Variants in FHL1 observed in about 807,000 individuals in gnomAD.
FHL1 encodes the protein four and a half LIM domains protein 1.
Under a neutral mutation model 20.3 loss-of-function variants are expected in FHL1, and 1 was observed. That is an observed-to-expected ratio of 0.05 (90% confidence interval 0.02 to 0.23). The LOEUF is 0.23. Among genes scored for constraint, FHL1 ranks in the 10% least tolerant of loss-of-function variants. FHL1 has a pLI of 1.00. For missense variants in FHL1, 177 were observed against 234.0 expected, an observed-to-expected ratio of 0.76 and a Z score of 1.59; for synonymous variants, 82 against 88.9, an observed-to-expected ratio of 0.92 and a Z score of 0.44.
At chrX:136,188,486 G>A (rs2073361698) in intron 2 of FHL1, among the ~76,000 whole-genome samples, 1 of 111,279 alleles carries the variant, frequency 9.0e-6, no homozygotes, top group African/African-American at 3.3e-5. Context: ...TATGATAGGA[G>A]GAGATTAACT....
chrX:136,176,733 T>G (rs2073012839), intron 2 of FHL1, among the ~76,000 whole-genome samples: 1 of 111,516 alleles, frequency 9.0e-6, no homozygotes, highest in Admixed American at 9.6e-5. Flanking sequence ...GCACATTTGT[T>G]AAGGTTACTG....
intron 2 of FHL1, among the ~76,000 whole-genome samples, chrX:136,189,907 C>A (rs1415346817): frequency 8.9e-6 from 1 of 111,988 alleles, no homozygotes; most frequent in Non-Finnish European, 1.9e-5. Context: ...ATTGTTCAAC[C>A]AATCTCATAT....
At chrX:136,164,546 A>G (rs1256990392) in intron 1 of FHL1, among the ~76,000 whole-genome samples, 1 of 111,416 alleles carries the variant, frequency 9.0e-6, no homozygotes, top group Non-Finnish European at 1.9e-5. Context: ...TAAAAAATAA[A>G]TATATTTGTC....
chrX:136,168,752 C>T (rs2072779552), upstream of FHL1, among the ~76,000 whole-genome samples: 1 of 111,688 alleles, frequency 9.0e-6, no homozygotes, highest in Admixed American at 9.5e-5. Flanking sequence ...GAGATGAACT[C>T]ATTAGCCTAG....
chrX:136,176,424 T>A (rs1201350220), intron 2 of FHL1, among the ~76,000 whole-genome samples: 2 of 112,555 alleles, frequency 1.8e-5, no homozygotes, highest in African/African-American at 6.5e-5. Context: ...AGTTACTTCA[T>A]GTCTGTTTTT....
upstream of FHL1, among the ~76,000 whole-genome samples, chrX:136,164,929 A>G (rs2072671625): frequency 1.8e-5 from 2 of 112,564 alleles, no homozygotes; most frequent in South Asian, 7.3e-4. Context: ...AATTTTTAGT[A>G]TATCTGGTAG....
intron 2 of FHL1, among the ~76,000 whole-genome samples, chrX:136,191,470 T>C (rs1233751941): frequency 1.8e-5 from 2 of 111,964 alleles, no homozygotes; most frequent in Non-Finnish European, 3.8e-5. Flanking sequence ...TTGATCTCTT[T>C]CCTCCTGCTG....
chrX:136,148,094 C>T (rs1277103778), intron 1 of FHL1: 1 of 101,298 alleles, frequency 9.9e-6, no homozygotes, highest in African/African-American at 3.6e-5. Flanking sequence ...CCTCTTGGTT[C>T]TTTCAGCCAG....
At chrX:136,153,450 A>G (rs748751114) in intron 1 of FHL1, among the ~76,000 whole-genome samples, 12 of 111,791 alleles carry the variant, frequency 1.1e-4, no homozygotes, top group Non-Finnish European at 2.1e-4. Context: ...TCTGATTATA[A>G]TAATAATGTC....
At chrX:136,201,675 C>G (rs369526061) in intron 1 of FHL1, among the ~76,000 whole-genome samples, 1 of 110,586 alleles carries the variant, frequency 9.0e-6, no homozygotes, top group African/African-American at 3.3e-5. Context: ...ACCTGATGGC[C>G]GCCTGACATT....
At position 136,155,333 on chromosome X, in the gene FHL1, G is replaced by A. The variant is rs758857584; in HGVS notation, c.-101+7705G>A. Among the ~76,000 whole-genome samples the A allele has an allele frequency of 5.3e-5, 6 of 112,220 alleles. 1 individual carries two copies. The South Asian group carries it at 1.9e-3, about 35-fold the overall frequency. ...AGGGAAGCTGATCTCCAGGGCAGAT[G>A]TGGAGTGAGAAGAGTTGTTGTCACT... On this transcript the variant is annotated intron_variant, in intron 1 of 7. Coordinates refer to the FHL1 transcript ENST00000394155.
At chrX:136,209,799 C>A in intron 5 of FHL1, 72 bp from the exon 6 acceptor site, 1 of 1,110,300 alleles carries the variant, frequency 9.0e-7, no homozygotes, top group Non-Finnish European at 1.2e-6. Flanking sequence ...CTCTCTGAAT[C>A]GTGGTTTCCT....
At chrX:136,155,161 C>G (rs755928887) in intron 1 of FHL1, among the ~76,000 whole-genome samples, 2 of 112,019 alleles carry the variant, frequency 1.8e-5, no homozygotes, top group Non-Finnish European at 3.8e-5. Context: ...TGACTGCACT[C>G]ACTTTCCTTT....
At chrX:136,191,917 T>C (rs769266124) in intron 2 of FHL1, among the ~76,000 whole-genome samples, 33 of 112,009 alleles carry the variant, frequency 2.9e-4, no homozygotes, top group Non-Finnish European at 5.8e-4. Flanking sequence ...AAAGGTGGGC[T>C]TGGTGAATGC....
chrX:136,201,527 C>T (rs998604080), intron 1 of FHL1, among the ~76,000 whole-genome samples: 3 of 111,806 alleles, frequency 2.7e-5, no homozygotes, highest in Non-Finnish European at 1.9e-5. Flanking sequence ...CCCAATTACC[C>T]ACCTCCTGAG....
In FHL1 at chrX:136,157,573, G is replaced by A. The variant is rs373323237; in HGVS notation, c.-101+9945G>A. 5.4e-5 allele frequency among the ~76,000 whole-genome samples: 6 copies of A among 111,088 alleles called. No individual in the cohort carries two copies. In the South Asian group the frequency reaches 1.2e-3, roughly 21 times the overall value. On this transcript the variant is annotated intron_variant, in intron 1 of 7. Transcript: ENST00000394155. The stretch of plus-strand genomic sequence containing the variant: ...AAACCACTGCCCCAATCAGGATGTG[G>A]AATGTTTTTATCACCTCCACAAGTT...
upstream of FHL1, among the ~76,000 whole-genome samples, chrX:136,166,667 C>G (rs1217203810): frequency 2.7e-5 from 3 of 111,535 alleles, no homozygotes. Context: ...AAAATCAATT[C>G]CAGAAGGGTG....
chrX:136,203,972 G>A (rs2073778565), intron 1 of FHL1, among the ~76,000 whole-genome samples: 1 of 112,058 alleles, frequency 8.9e-6, no homozygotes, highest in Non-Finnish European at 1.9e-5. Flanking sequence ...GCTTATAAAG[G>A]TATCAAAAGC....
At chrX:136,183,208 G>A (rs1434683723) in intron 2 of FHL1, among the ~76,000 whole-genome samples, 1 of 111,130 alleles carries the variant, frequency 9.0e-6, no homozygotes, top group African/African-American at 3.3e-5. Context: ...ATATTTAAAC[G>A]TGTCATGTCA....
Sources: allele counts gnomAD v4.1 joint callset (sites outside exome capture counted in the v4.1 genomes callset), GRCh38; gene constraint gnomAD v4.1.1; transcripts MANE v1.5; gene names NCBI Gene and HGNC (gene_info 2026-07-23, HGNC 2026-07-21).